TRPV5: variants seen among roughly 807,000 people sequenced by gnomAD.
TRPV5 encodes the protein transient receptor potential cation channel subfamily V member 5.
A neutral mutation model predicts 74.1 loss-of-function variants in TRPV5; 66 were observed. The ratio of observed to expected loss-of-function variants is 0.89; its 90% CI spans 0.73 to 1.09. The LOEUF (loss-of-function observed/expected upper bound fraction) is 1.09, where lower values mean the gene tolerates loss of function less well. TRPV5 is among the 50% of genes least tolerant of loss of function. The pLI is 0.00. For synonymous variants in TRPV5, 399 were observed against 360.7 expected, an observed-to-expected ratio of 1.11 and a Z score of -1.20; for missense variants, 936 against 930.4, an observed-to-expected ratio of 1.01 and a Z score of -0.08.
intron 8 of TRPV5, among the ~76,000 whole-genome samples, chr7:142,924,382 A>ATACATATACATG (rs1440486187): frequency 8.4e-6 from 1 of 118,370 alleles, no homozygotes; most frequent in African/African-American, 4.1e-5. Flanking sequence ...ATACATATAT[A>ATACATATACATG]TATATATATA....
intron 1 of TRPV5, among the ~76,000 whole-genome samples, chr7:142,932,824 A>G (rs1796118033): frequency 6.6e-6 from 1 of 152,208 alleles, no homozygotes; most frequent in Non-Finnish European, 1.5e-5. Flanking sequence ...AGGCAGATGG[A>G]CTGAACTCAG....
intron 8 of TRPV5, among the ~76,000 whole-genome samples, chr7:142,918,642 T>C (rs909929795): frequency 1.3e-5 from 2 of 152,190 alleles, no homozygotes; most frequent in African/African-American, 4.8e-5. Flanking sequence ...CTAGATAATG[T>C]CTAAATTTGA....
rs1408284667 is a variant in TRPV5 at position 142,929,663 on chromosome 7, A to G, written c.350-98T>C. 540 of 1,542,220 alleles carry G rather than the reference A, an allele frequency of 3.5e-4. 2 individuals carry two copies. The highest frequency in any genetic ancestry group is 7.1e-5 in the Non-Finnish European group (81 of 1,136,148). ...ATCCCTCTCAGGAGGTTCCTGATAG[A>G]TCTTTGCTAGACTTCTGCCCTGGGC... On this transcript the variant is annotated intron_variant, in intron 3 of 14. Transcript: ENST00000265310.
At chr7:142,924,301 CAT>C (rs1481130391) in intron 8 of TRPV5, among the ~76,000 whole-genome samples, 12 of 93,942 alleles carry the variant, frequency 1.3e-4, no homozygotes, top group African/African-American at 4.0e-4. Flanking sequence ...TATATATATA[CAT>C]ATATATATAC....
chr7:142,928,362 G>T (rs1796024470), intron 6 of TRPV5, 128 bp from the exon 7 acceptor site: 1 of 1,001,784 alleles, frequency 1.0e-6, no homozygotes, highest in Non-Finnish European at 1.5e-6. Flanking sequence ...GCAAACCTCT[G>T]CATCTACAAG....
rs1796049442 is a variant in TRPV5 at position 142,929,572 on chromosome 7, C to A, written c.350-7G>T. 6.2e-7 allele frequency: 1 copy of A among 1,611,114 alleles called. No homozygotes were observed. The highest frequency in any genetic ancestry group is 8.5e-7 in the Non-Finnish European group (1 of 1,177,544). ...ATGTGCAGTGCAGTCTGACCTGGCC[C>A]AGAGACAGCCATCATCAGGGTCTCC... is the stretch of plus-strand genomic sequence containing the variant. On this transcript the variant is annotated splice_polypyrimidine_tract_variant and splice_region_variant and intron_variant, in intron 3 of 14. Coordinates refer to ENST00000265310, the MANE Select transcript of TRPV5 (RefSeq NM_019841.7).
At chr7:142,912,387 G>A (rs1795713468) in intron 13 of TRPV5, 95 bp downstream of exon 13, 4 of 1,506,662 alleles carry the variant, frequency 2.7e-6, no homozygotes, top group Non-Finnish European at 3.6e-6. Flanking sequence ...GGGTTTTTCT[G>A]TGACTCTTTT....
Position 142,930,394 on chromosome 7 carries a change from G to A in TRPV5, c.181C>T (p.Leu61Phe). The A allele has an allele frequency of 6.2e-7, 1 of 1,614,194 alleles. No individual in the cohort carries two copies. The highest frequency in any genetic ancestry group is 8.5e-7 in the Non-Finnish European group (1 of 1,180,030). Reference sequence around the variant, plus strand: ...GTGCAGTCCAGTAGAAGTTGCCTAAGAACAGACAGGTCATTTTCCTTGGAT... The same window carrying A: ...GTGCAGTCCAGTAGAAGTTGCCTAAAAACAGACAGGTCATTTTCCTTGGAT... The part of the protein sequence containing the change: ...RASKENDLSV[L>F]RQLLLDCTCD... Residue 61 changes from leucine to phenylalanine, a missense_variant, in exon 2 of 15, where the codon CTT becomes TTT. Coordinates refer to ENST00000265310, the MANE Select transcript of TRPV5 (RefSeq NM_019841.7).
At chr7:142,930,552 G>C (rs577252078) in intron 1 of TRPV5, 106 bp from the exon 2 acceptor site, 1 of 851,074 alleles carries the variant, frequency 1.2e-6, no homozygotes, top group Non-Finnish European at 2.0e-6. Flanking sequence ...CTCACACAGC[G>C]TGCAGTGACA....
At position 142,920,256 on chromosome 7, in the gene TRPV5, CA is replaced by C. The variant is rs570699038; in HGVS notation, c.1123-4689del. 4.7e-4 allele frequency among the ~76,000 whole-genome samples: 71 copies of C among 152,354 alleles called. No homozygotes were observed. In the South Asian group the frequency reaches 5.0e-3, roughly 11 times the overall value. On this transcript the variant is annotated intron_variant, in intron 8 of 14. Coordinates refer to ENST00000265310, the MANE Select transcript of TRPV5 (RefSeq NM_019841.7). ...TCATGTCCCAGTCTCTGCATTTTCT[CA>C]GGGGTATTGGCTTGGGAGATTACCC...
intron 1 of TRPV5, among the ~76,000 whole-genome samples, chr7:142,932,041 G>A (rs1241530197): frequency 6.6e-6 from 1 of 152,130 alleles, no homozygotes; most frequent in African/African-American, 2.4e-5. Context: ...TAATCTAAAG[G>A]TGGGGCCTGG....
rs561000523 is a variant in TRPV5 at position 142,925,439 on chromosome 7, C to T, written c.1122+90G>A. 8.0e-5 allele frequency: 110 copies of T among 1,377,642 alleles called. No individual in the cohort carries two copies. In the African/African-American group the frequency reaches 1.2e-3, roughly 15 times the overall value. 85.3% of individuals were successfully genotyped at this position (1,377,642 alleles called of 1,614,324 possible). A position where few individuals can be genotyped will look rare whatever the true frequency, so the allele number is the denominator to read the frequency against. ...AGCCTACACCTGCTGGAACCCAGAG[C>T]GTGGCATCGTCCCTGAGTAGCATGG... is the stretch of plus-strand genomic sequence containing the variant. On this transcript the variant is annotated intron_variant, in intron 8 of 14. Coordinates refer to ENST00000265310, the MANE Select transcript of TRPV5 (RefSeq NM_019841.7).
chr7:142,931,543 C>T (rs1796096891), intron 1 of TRPV5, among the ~76,000 whole-genome samples: 2 of 152,276 alleles, frequency 1.3e-5, no homozygotes, highest in Middle Eastern at 3.4e-3. Flanking sequence ...GCTGGAGCCT[C>T]TCCAACTAGA....
chr7:142,932,151 C>T (rs899509513), intron 1 of TRPV5, among the ~76,000 whole-genome samples: 1 of 152,138 alleles, frequency 6.6e-6, no homozygotes, highest in South Asian at 2.1e-4. Flanking sequence ...GCCTGGTGTC[C>T]CTGACCAGCC....
intron 1 of TRPV5, among the ~76,000 whole-genome samples, chr7:142,931,169 C>T (rs912316705): frequency 6.6e-6 from 1 of 151,802 alleles, no homozygotes; most frequent in African/African-American, 2.4e-5. Flanking sequence ...ATTACAGGCA[C>T]GCACCACCAC....
chr7:142,914,552 T>C, intron 12 of TRPV5, 88 bp downstream of exon 12: 1 of 1,130,874 alleles, frequency 8.8e-7, no homozygotes, highest in South Asian at 1.4e-5. Flanking sequence ...CAAAATGAAG[T>C]GCAAATGAGA....
intron 7 of TRPV5, among the ~76,000 whole-genome samples, chr7:142,927,472 G>A (rs1161159590): frequency 6.6e-6 from 1 of 152,170 alleles, no homozygotes; most frequent in Non-Finnish European, 1.5e-5. Flanking sequence ...AAATAAAAAG[G>A]TTTAATTGGC....
rs374753552 is a variant in TRPV5 at position 142,914,622 on chromosome 7, G to C, written c.1519+18C>G. On this transcript the variant is annotated intron_variant, in intron 12 of 14. Transcript: ENST00000265310. ...AACTAGATCTGCTGATCTAGTAGAG[G>C]AGTGTATGGTGCCTTACCGGAGGCA... 3.7e-6 allele frequency: 6 copies of C among 1,609,050 alleles called. No homozygotes were observed. The East Asian group carries it at 8.9e-5, about 24-fold the overall frequency.
chr7:142,912,699 T>A lies in TRPV5; in HGVS notation c.1571A>T (p.Tyr524Phe). 3 of 1,614,218 alleles carry A rather than the reference T, an allele frequency of 1.9e-6. No individual in the cohort carries two copies. Among genetic ancestry groups the A allele is most frequent in the Non-Finnish European group, 2.5e-6 (3 of 1,180,048 alleles). The change falls in exon 13 of 15, where the codon TAT (tyrosine) becomes TTT (phenylalanine). Residue 524 changes from tyrosine to phenylalanine, a missense_variant. Tyr to Phe is a conservative substitution (Grantham distance 22). Coordinates refer to ENST00000265310, the MANE Select transcript of TRPV5 (RefSeq NM_019841.7). The stretch of plus-strand genomic sequence containing the variant: ...GGTGAACAGTGCCATGGGGTAGTCA[T>A]AGAATTGCCCCAGACTGGTTGGGTC... ...TEDPTSLGQF[Y>F]DYPMALFTTF...
Sources: allele counts gnomAD v4.1 joint callset (sites outside exome capture counted in the v4.1 genomes callset), GRCh38; gene constraint gnomAD v4.1.1; transcripts MANE v1.5; gene names NCBI Gene and HGNC (gene_info 2026-07-23, HGNC 2026-07-21).